Variants in ZNF804B observed in about 807,000 individuals in gnomAD.
ZNF804B encodes the protein zinc finger 804B.
A neutral mutation model predicts 101.4 loss-of-function variants in ZNF804B; 80 were observed. The observed-to-expected ratio is 0.79, with a 90% CI of 0.66 to 0.95. ZNF804B has a LOEUF of 0.95. Ranked by LOEUF, ZNF804B falls within the 40% of genes least tolerant of loss-of-function variation. The pLI, the probability that ZNF804B is intolerant of heterozygous loss-of-function variation, is 0.00. For missense variants in ZNF804B, 1,673 were observed against 1,561.9 expected (o/e 1.07, Z -1.20); for synonymous variants, 622 against 558.8 (o/e 1.11, Z -1.59).
In ZNF804B at chr7:89,337,158, TATAA is replaced by T; in HGVS notation, c.*130_*133del. 9.8e-7 allele frequency: 1 copy of T among 1,024,788 alleles called. No homozygotes were observed. Among genetic ancestry groups the T allele is most frequent in the East Asian group, 2.6e-5 (1 of 38,122 alleles). The allele number at this position is 1,024,788 out of a possible 1,614,324, so 63.5% of individuals were successfully genotyped here. ...CTGCCAATTCAAAATGTGACAAATATATAAATATGATCTGAATTGCTAATACTAA... is the reference window on the plus strand; with the variant it reads ...CTGCCAATTCAAAATGTGACAAATATATATGATCTGAATTGCTAATACTAA... On this transcript the variant is annotated 3_prime_UTR_variant, in exon 4 of 4. Coordinates refer to ENST00000333190, the MANE Select transcript of ZNF804B (RefSeq NM_181646.5).
intron 1 of ZNF804B, among the ~76,000 whole-genome samples, chr7:89,040,352 C>T (rs974329580): frequency 3.3e-5 from 5 of 151,768 alleles, no homozygotes; most frequent in Admixed American, 2.0e-4. Flanking sequence ...TTTGAACTCA[C>T]TAGTTCTTGC....
intron 1 of ZNF804B, among the ~76,000 whole-genome samples, chr7:88,765,877 A>G (rs759291969): frequency 7.3e-6 from 1 of 136,940 alleles, no homozygotes; most frequent in Non-Finnish European, 1.5e-5. Context: ...CAAGTTACGT[A>G]GTCTCTCTTG....
In ZNF804B at chr7:88,759,821, C is replaced by G; in HGVS notation, c.-156C>G. 1.6e-6 allele frequency: 1 copy of G among 625,628 alleles called. No individual in the cohort carries two copies. Among genetic ancestry groups the G allele is most frequent in the East Asian group, 2.8e-5 (1 of 36,346 alleles). 38.8% of individuals were successfully genotyped at this position (625,628 alleles called of 1,614,324 possible). A position where few individuals can be genotyped will look rare whatever the true frequency, so the allele number is the denominator to read the frequency against. ...GGCAGCAGGAGCCCCGCACGGGGCG[C>G]GGAGCAGGGACGCGCTGCCACCGCC... On this transcript the variant is annotated 5_prime_UTR_variant, in exon 1 of 4. Transcript: ENST00000333190.
At chr7:88,911,376 G>A (rs1792548109) in intron 1 of ZNF804B, among the ~76,000 whole-genome samples, 1 of 150,650 alleles carries the variant, frequency 6.6e-6, no homozygotes, top group Middle Eastern at 3.5e-3. Flanking sequence ...TCAAATTCTA[G>A]TCATTCTCTA....
chr7:89,242,171 G>A (rs1397705685), intron 2 of ZNF804B, among the ~76,000 whole-genome samples: 2 of 151,674 alleles, frequency 1.3e-5, no homozygotes, highest in African/African-American at 2.4e-5. Flanking sequence ...ATTTATTATT[G>A]CAACTCAACA....
chr7:88,903,781 G>A (rs868296449), intron 1 of ZNF804B, among the ~76,000 whole-genome samples: 7 of 151,962 alleles, frequency 4.6e-5, no homozygotes, highest in African/African-American at 1.2e-4. Context: ...CATGCCCTTC[G>A]CCCTTTTTTA....
chr7:88,772,892 G>A (rs900135109), intron 1 of ZNF804B, among the ~76,000 whole-genome samples: 1 of 123,676 alleles, frequency 8.1e-6, no homozygotes, highest in African/African-American at 3.9e-5. Flanking sequence ...TTTATTTAAA[G>A]GTGGGGGGAA....
At chr7:89,177,626 G>A (rs1791340934) in intron 1 of ZNF804B, among the ~76,000 whole-genome samples, 1 of 152,152 alleles carries the variant, frequency 6.6e-6, no homozygotes, top group Non-Finnish European at 1.5e-5. Context: ...GGTCCATTTG[G>A]TCAATACTGC....
rs950983859 is a variant in ZNF804B at position 89,111,213 on chromosome 7, A to G, written c.109-106942A>G. Among the ~76,000 whole-genome samples the G allele has an allele frequency of 2.0e-5, 3 of 152,230 alleles. No individual in the cohort carries two copies. The East Asian group carries it at 5.8e-4, about 29-fold the overall frequency. ...TTTGTGTGAAGGTTTTTGTATGGACATAAAAGTATTTTTAAACTCACCTGG... is the reference window on the plus strand; with the variant it reads ...TTTGTGTGAAGGTTTTTGTATGGACGTAAAAGTATTTTTAAACTCACCTGG... On this transcript the variant is annotated intron_variant, in intron 1 of 3. Coordinates refer to ENST00000333190, the MANE Select transcript of ZNF804B (RefSeq NM_181646.5).
intron 2 of ZNF804B, among the ~76,000 whole-genome samples, chr7:89,223,228 A>C (rs1294148705): frequency 6.6e-6 from 1 of 151,868 alleles, no homozygotes; most frequent in Non-Finnish European, 1.5e-5. Flanking sequence ...CCTTCCAAAA[A>C]TATGCTCTTT....
At chr7:89,201,218 C>T (rs1184909761) in intron 1 of ZNF804B, among the ~76,000 whole-genome samples, 2 of 152,052 alleles carry the variant, frequency 1.3e-5, no homozygotes, top group Non-Finnish European at 2.9e-5. Context: ...AATATAACCA[C>T]TAATGAGGAC....
intron 1 of ZNF804B, among the ~76,000 whole-genome samples, chr7:89,172,745 A>G (rs898755600): frequency 6.6e-6 from 1 of 152,188 alleles, no homozygotes; most frequent in Non-Finnish European, 1.5e-5. Context: ...AATTTAAATC[A>G]TTTGAATCTT....
At chr7:88,932,081 T>C (rs561644859) in intron 1 of ZNF804B, among the ~76,000 whole-genome samples, 1 of 151,874 alleles carries the variant, frequency 6.6e-6, no homozygotes, top group Admixed American at 6.6e-5. Flanking sequence ...GGAGTCTTCA[T>C]AAGGAAATGA....
intron 1 of ZNF804B, among the ~76,000 whole-genome samples, chr7:89,046,885 T>C (rs1027804356): frequency 1.1e-4 from 16 of 152,134 alleles, no homozygotes; most frequent in African/African-American, 3.6e-4. Flanking sequence ...GTCCAGTTAT[T>C]ATGATCAATT....
chr7:89,166,977 G>A (rs1791153736), intron 1 of ZNF804B, among the ~76,000 whole-genome samples: 1 of 152,124 alleles, frequency 6.6e-6, no homozygotes, highest in Admixed American at 6.6e-5. Flanking sequence ...GTATTTGTGT[G>A]AATGAGTTTT....
At chr7:88,865,428 A>C (rs543776160) in intron 1 of ZNF804B, among the ~76,000 whole-genome samples, 2 of 152,148 alleles carry the variant, frequency 1.3e-5, no homozygotes, top group South Asian at 4.1e-4. Context: ...GCTACTCCTG[A>C]GGCTGAGGTG....
intron 2 of ZNF804B, among the ~76,000 whole-genome samples, chr7:89,281,610 G>C (rs112925324): frequency 0.01 from 1,568 of 152,230 alleles, 31 homozygotes; most frequent in African/African-American, 0.036. Flanking sequence ...ATATGGCAAA[G>C]TCAAGTATAA....
chr7:89,150,581 A>G (rs1790858833), intron 1 of ZNF804B, among the ~76,000 whole-genome samples: 1 of 152,136 alleles, frequency 6.6e-6, no homozygotes. Flanking sequence ...TGAAAGTTTT[A>G]AGTGTATATA....
intron 2 of ZNF804B, among the ~76,000 whole-genome samples, chr7:89,220,017 GTATA>G (rs1562920235): frequency 7.1e-4 from 89 of 124,778 alleles, no homozygotes; most frequent in African/African-American, 2.6e-3. Flanking sequence ...ATATATGTGT[GTATA>G]CATATATATA....
Sources: gnomAD v4.1 joint callset for allele counts (sites outside exome capture counted in the v4.1 genomes callset) on GRCh38, gnomAD v4.1.1 for gene constraint, MANE v1.5 for transcripts, NCBI Gene and HGNC (gene_info 2026-07-23, HGNC 2026-07-21) for gene names.